Variants in SPTA1 observed in about 807,000 individuals in gnomAD.
SPTA1 encodes the protein spectrin alpha, erythrocytic 1, also known as spectrin alpha chain, erythrocytic 1.
Under a neutral mutation model 324.7 loss-of-function variants are expected in SPTA1, and 177 were observed. That is an observed-to-expected ratio of 0.55 (90% CI 0.48 to 0.62). The LOEUF (loss-of-function observed/expected upper bound fraction) is 0.62. Among genes scored for constraint, SPTA1 ranks in the 20% least tolerant of loss-of-function variants. The probability of loss-of-function intolerance (pLI) is 0.00; values close to 1 mark genes in which losing one functional copy is unlikely to be tolerated. For synonymous variants in SPTA1, 1,195 were observed against 1,041.3 expected (o/e 1.15, Z -2.84); for missense variants, 3,162 against 2,883.6 (o/e 1.10, Z -2.21).
Position 158,677,701 on chromosome 1 carries a change from T to G in SPTA1, c.946A>C (p.Met316Leu). The change falls in exon 7 of 52, where the codon ATG (methionine) becomes CTG (leucine). Residue 316 changes from methionine (M) to leucine (L), a missense_variant. Coordinates refer to ENST00000643759, the MANE Select transcript of SPTA1 (RefSeq NM_003126.4). ...TAACAGCGCATTACCTTGTCACTCA[T>G]GACAGCAAGATTTCTCTCAAGTCCC... ...HKGLERNLAV[M>L]SDKVKELCAK... 3.1e-6 allele frequency: 5 copies of G among 1,613,500 alleles called. No homozygotes were observed. Among genetic ancestry groups the G allele is most frequent in the Non-Finnish European group, 4.2e-6 (5 of 1,179,662 alleles).
chr1:158,633,697 G>T lies in SPTA1; in HGVS notation c.5565+846C>A, dbSNP rs73018223. 7.9e-3 allele frequency among the ~76,000 whole-genome samples: 1,190 copies of T among 150,066 alleles called. 21 individuals carry two copies. The highest frequency in any genetic ancestry group is 0.028 in the African/African-American group (1,134 of 40,940). ...AAAAAAAGAAAAGAAAAAAGAAAAA[G>T]TTCTGTTGTAAAGAAAGGGAAGCCT... On this transcript the variant is annotated intron_variant, in intron 39 of 51. Transcript: ENST00000643759.
chr1:158,639,514 C>T, intron 35 of SPTA1, 68 bp downstream of exon 35: 10 of 1,516,722 alleles, frequency 6.6e-6, no homozygotes, highest in Non-Finnish European at 7.3e-6. Flanking sequence ...GGTCTCCTAA[C>T]ATGGGAGGGA....
At position 158,674,445 on chromosome 1, in the gene SPTA1, C is replaced by T; in HGVS notation, c.1249-15G>A. The T allele has an allele frequency of 1.2e-6, 2 of 1,614,060 alleles. No individual in the cohort carries two copies. The highest frequency in any genetic ancestry group is 2.2e-5 in the South Asian group (2 of 91,082). ...TCAATCTCATGCTGTGGCCACAAAA[C>T]AAAGTGTCTCAAAATGCAGCAAGAA... On this transcript the variant is annotated splice_polypyrimidine_tract_variant and intron_variant, in intron 9 of 51. Coordinates refer to ENST00000643759, the MANE Select transcript of SPTA1 (RefSeq NM_003126.4).
intron 48 of SPTA1, chr1:158,614,953 A>T (rs1649467717): frequency 2.2e-6 from 1 of 448,986 alleles, no homozygotes; most frequent in East Asian, 3.9e-5. Flanking sequence ...TGGTGAAAGA[A>T]CTCTGAGAAA....
chr1:158,614,715 A>G (rs1336769841), intron 48 of SPTA1: 4 of 193,808 alleles, frequency 2.1e-5, no homozygotes, highest in South Asian at 1.1e-4. Flanking sequence ...TAAATTATTT[A>G]TTATCAGACC....
chr1:158,665,940 T>C (rs564065983), intron 16 of SPTA1, among the ~76,000 whole-genome samples: 1 of 152,180 alleles, frequency 6.6e-6, no homozygotes, highest in Non-Finnish European at 1.5e-5. Context: ...CCCAGATTTC[T>C]AGATTGAGAG....
chr1:158,643,448 G>T, intron 30 of SPTA1, 23 bp from the exon 31 acceptor site: 1 of 1,606,732 alleles, frequency 6.2e-7, no homozygotes, highest in Non-Finnish European at 8.5e-7. Context: ...AAAGGAAAGA[G>T]CCCAGATGCT....
chr1:158,685,023 C>G (rs997245676), intron 2 of SPTA1, 85 bp downstream of exon 2: 6 of 1,495,892 alleles, frequency 4.0e-6, no homozygotes, highest in Non-Finnish European at 5.6e-6. Flanking sequence ...CACACATACC[C>G]ATTAACATTA....
chr1:158,644,322 T>G lies in SPTA1; in HGVS notation c.4269A>C (p.Lys1423Asn). Residue 1423 changes from lysine (K) to asparagine (N), a missense_variant, in exon 30 of 52, where the codon AAA (lysine) becomes AAC (asparagine). Physicochemically the swap from Lys to Asn is moderately conservative, Grantham distance 94. Coordinates refer to ENST00000643759, the MANE Select transcript of SPTA1 (RefSeq NM_003126.4). ...AAGCCTCCAGACTGTCTAAGGAACT[T>G]TTGTCATCTGACCTCAGGGAATTCT... ...ARENSLRSDD[K>N]SSLDSLEALM... The G allele has an allele frequency of 1.2e-6, 2 of 1,613,946 alleles. No individual in the cohort carries two copies. The highest frequency in any genetic ancestry group is 2.2e-5 in the South Asian group (2 of 91,084).
chr1:158,683,030 A>G lies in SPTA1; in HGVS notation c.390+341T>C, dbSNP rs957280659. Among the ~76,000 whole-genome samples, 3 of 152,170 alleles carry G rather than the reference A, an allele frequency of 2.0e-5. No individual in the cohort carries two copies. The South Asian group carries it at 6.2e-4, about 31-fold the overall frequency. ...TTTGGAGAAGTTAAGAGACAAGGAC[A>G]TTGAGGTTAGAGGAAATAATTAGAA... On this transcript the variant is annotated intron_variant, in intron 3 of 51. Transcript: ENST00000643759.
intron 2 of SPTA1, among the ~76,000 whole-genome samples, chr1:158,683,793 T>A (rs1446180415): frequency 6.6e-6 from 1 of 152,098 alleles, no homozygotes; most frequent in Admixed American, 6.6e-5. Context: ...AACTGATTTT[T>A]TTTTGGAAGT....
chr1:158,636,812 A>G, intron 36 of SPTA1, 51 bp from the exon 37 acceptor site: 2 of 1,611,406 alleles, frequency 1.2e-6, no homozygotes, highest in Non-Finnish European at 8.5e-7. Flanking sequence ...ATCTAATGTC[A>G]TCCTACAGCA....
In SPTA1 at chr1:158,671,194, A is replaced by G. The variant is rs928808440; in HGVS notation, c.1599+149T>C. ...TGAAAAACACACAAATAAACACACC[A>G]ACAACGAAAGAAGAGATGCAACTTG... On this transcript the variant is annotated intron_variant, in intron 12 of 51. Coordinates refer to ENST00000643759, the MANE Select transcript of SPTA1 (RefSeq NM_003126.4). The G allele has an allele frequency of 1.9e-5, 13 of 680,342 alleles. No homozygotes were observed. The African/African-American group carries it at 2.3e-4, about 12-fold the overall frequency. The allele number at this position is 680,342 out of a possible 1,614,324, so 42.1% of individuals were successfully genotyped here.
intron 10 of SPTA1, among the ~76,000 whole-genome samples, chr1:158,672,960 A>T (rs1467322527): frequency 6.6e-6 from 1 of 151,894 alleles, no homozygotes; most frequent in East Asian, 1.9e-4. Flanking sequence ...AAAATAAAAT[A>T]AAAATACAAA....
chr1:158,635,535 T>A (rs1376880083), intron 38 of SPTA1, among the ~76,000 whole-genome samples: 1 of 152,198 alleles, frequency 6.6e-6, no homozygotes, highest in African/African-American at 2.4e-5. Context: ...ATTGGCTATA[T>A]GGCTATAGGG....
intron 4 of SPTA1, 25 bp from the exon 5 acceptor site, chr1:158,680,754 T>C (rs764036124): frequency 8.7e-6 from 14 of 1,613,030 alleles, no homozygotes; most frequent in Middle Eastern, 1.7e-4. Flanking sequence ...GTTGATTGAG[T>C]TGCCAGCAAA....
chr1:158,657,348 G>T (rs759384884), intron 19 of SPTA1, 129 bp downstream of exon 19: 47 of 937,770 alleles, frequency 5.0e-5, no homozygotes, highest in Non-Finnish European at 4.5e-5. Context: ...AAGGCCAACG[G>T]CGACCACTCT....
chr1:158,623,174 G>C lies in SPTA1; in HGVS notation c.5929C>G (p.Leu1977Val), dbSNP rs201133139. ...AGTCTCTCTTGCTGGAAACTCTGCAGACTGGCATCCAGAGTGTCCTGAGAA... is the reference window on the plus strand; with the variant it reads ...AGTCTCTCTTGCTGGAAACTCTGCACACTGGCATCCAGAGTGTCCTGAGAA... ...LAKQDTLDAS[L>V]QSFQQERLPE... is the part of the protein sequence containing the mutation. Residue 1977 changes from leucine (L) to valine (V), a missense_variant, in exon 43 of 52, where the codon CTG becomes GTG. Transcript: ENST00000643759. 7 of 1,614,136 alleles carry C rather than the reference G, an allele frequency of 4.3e-6. No individual in the cohort carries two copies. In the African/African-American group the frequency reaches 6.7e-5, roughly 15 times the overall value.
chr1:158,651,381 C>A lies in SPTA1; in HGVS notation c.3463G>T (p.Ala1155Ser). 6.2e-7 allele frequency: 1 copy of A among 1,613,494 alleles called. No individual in the cohort carries two copies. The highest frequency in any genetic ancestry group is 8.5e-7 in the Non-Finnish European group (1 of 1,179,480). ...LFEGLLTPEGAQIRQELNSRW... is the reference protein window; with the variant it reads ...LFEGLLTPEGSQIRQELNSRW... ...GCCTTAGTTACCTGCCGGATTTGAG[C>A]TCCTTCTGGTGTTAGAAGTCCTTCA... The change falls in exon 24 of 52, where the codon GCT becomes TCT. Residue 1155 changes from alanine (A) to serine (S), a missense_variant. Coordinates refer to ENST00000643759, the MANE Select transcript of SPTA1 (RefSeq NM_003126.4).
Sources: gnomAD v4.1 joint callset for allele counts (sites outside exome capture counted in the v4.1 genomes callset) on GRCh38, gnomAD v4.1.1 for gene constraint, MANE v1.5 for transcripts, NCBI Gene and HGNC (gene_info 2026-07-23, HGNC 2026-07-21) for gene names.